KANSL1: variants seen among roughly 807,000 people sequenced by gnomAD.
KANSL1 encodes the protein MLL1/MLL complex subunit KANSL1.
A neutral mutation model predicts 103.6 loss-of-function variants in KANSL1; 22 were observed. That is an observed-to-expected ratio of 0.21 (90% CI 0.15 to 0.30). KANSL1 has a LOEUF of 0.30. Ranked by LOEUF, KANSL1 falls within the 10% of genes least tolerant of loss-of-function variation. The pLI is 1.00. For synonymous variants in KANSL1, 600 were observed against 527.6 expected (o/e 1.14, Z -1.88); for missense variants, 1,337 against 1,399.8 (o/e 0.96, Z 0.72).
At chr17:46,084,582 T>A (rs1404133069) in intron 3 of KANSL1, among the ~76,000 whole-genome samples, 1 of 151,058 alleles carries the variant, frequency 6.6e-6, no homozygotes, top group East Asian at 2.0e-4. Context: ...CTTGGGAGGC[T>A]GAGGCAGGAG....
intron 1 of KANSL1, among the ~76,000 whole-genome samples, chr17:46,215,628 G>A (rs2048316313): frequency 6.6e-6 from 1 of 152,212 alleles, no homozygotes; most frequent in South Asian, 2.1e-4. Flanking sequence ...GGCACAAGAA[G>A]GAACCCAGAG....
At chr17:46,149,951 G>A (rs887291375) in intron 2 of KANSL1, among the ~76,000 whole-genome samples, 4 of 151,828 alleles carry the variant, frequency 2.6e-5, no homozygotes, top group African/African-American at 7.3e-5. Flanking sequence ...GAACCCAGGA[G>A]GTGGAGCTTG....
upstream of KANSL1, among the ~76,000 whole-genome samples, chr17:46,195,848 G>A (rs1057045520): frequency 2.0e-5 from 3 of 152,176 alleles, no homozygotes; most frequent in Non-Finnish European, 4.4e-5. Context: ...CTTATGAAGA[G>A]AAACAAATTT....
chr17:46,050,387 T>C, intron 7 of KANSL1, 146 bp downstream of exon 7: 1 of 777,292 alleles, frequency 1.3e-6, no homozygotes, highest in Admixed American at 2.9e-5. Context: ...TTACAGTCTT[T>C]TTGCAAAATT....
intron 3 of KANSL1, among the ~76,000 whole-genome samples, chr17:46,092,715 T>TTGG (rs1568438853): frequency 9.7e-4 from 21 of 21,618 alleles, no homozygotes; most frequent in Non-Finnish European, 1.4e-3. Context: ...TTTTTTTTTT[T>TTGG]GGGGGGGGGG....
intron 2 of KANSL1, among the ~76,000 whole-genome samples, chr17:46,165,214 G>C (rs1323526497): frequency 2.0e-5 from 3 of 152,146 alleles, no homozygotes; most frequent in South Asian, 2.1e-4. Context: ...TCAAGTAAGA[G>C]TTACTTTTTT....
At chr17:46,163,941 T>A (rs745471095) in intron 2 of KANSL1, among the ~76,000 whole-genome samples, 6 of 152,254 alleles carry the variant, frequency 3.9e-5, no homozygotes, top group Non-Finnish European at 8.8e-5. Flanking sequence ...GACCTCTCAG[T>A]AGGTCACAAT....
At chr17:46,177,926 C>T (rs557600282) in intron 1 of KANSL1, among the ~76,000 whole-genome samples, 7 of 152,250 alleles carry the variant, frequency 4.6e-5, no homozygotes, top group African/African-American at 1.7e-4. Context: ...TACAGGCGTC[C>T]GCCACCACGC....
At chr17:46,180,358 TGTG>T (rs1231577899) in intron 1 of KANSL1, among the ~76,000 whole-genome samples, 1 of 151,704 alleles carries the variant, frequency 6.6e-6, no homozygotes, top group Non-Finnish European at 1.5e-5. Context: ...ATCAGCTGGG[TGTG>T]GTGGCGGGCA....
intron 1 of KANSL1, among the ~76,000 whole-genome samples, chr17:46,219,156 T>C (rs111314258): frequency 0.14 from 21,818 of 151,164 alleles, 2,122 homozygotes; most frequent in Middle Eastern, 0.22. Context: ...CCCAGCTACT[T>C]GGGAGGCTGA....
chr17:46,110,916 AT>A (rs1276418171), intron 2 of KANSL1, among the ~76,000 whole-genome samples: 1 of 152,252 alleles, frequency 6.6e-6, no homozygotes, highest in Non-Finnish European at 1.5e-5. Context: ...TAGAAATAGT[AT>A]TACAAAAACA....
At chr17:46,145,043 G>A (rs1450185148) in intron 2 of KANSL1, among the ~76,000 whole-genome samples, 1 of 152,186 alleles carries the variant, frequency 6.6e-6, no homozygotes, top group Non-Finnish European at 1.5e-5. Flanking sequence ...GTGGTTAGAG[G>A]AGAGGATTTG....
At chr17:46,122,254 T>A (rs1208769779) in intron 2 of KANSL1, among the ~76,000 whole-genome samples, 4 of 152,146 alleles carry the variant, frequency 2.6e-5, no homozygotes, top group Non-Finnish European at 5.9e-5. Context: ...CAGAAAAAAA[T>A]GTCTACAGTT....
intron 2 of KANSL1, among the ~76,000 whole-genome samples, chr17:46,095,332 T>C (rs79348289): frequency 0.14 from 21,661 of 151,934 alleles, 2,126 homozygotes; most frequent in Non-Finnish European, 0.22. Flanking sequence ...GAAACAGATC[T>C]AAAAGTTCAC....
chr17:46,157,372 T>G (rs1207953058), intron 2 of KANSL1, among the ~76,000 whole-genome samples: 6 of 152,260 alleles, frequency 3.9e-5, no homozygotes, highest in Non-Finnish European at 8.8e-5. Context: ...AGGATGAAAT[T>G]AAAGGCATTT....
chr17:46,052,111 T>C (rs755154798), intron 6 of KANSL1, among the ~76,000 whole-genome samples: 5 of 151,750 alleles, frequency 3.3e-5, no homozygotes, highest in East Asian at 1.9e-4. Context: ...GAGAAATGAG[T>C]AGGTAGAGAT....
chr17:46,161,827 T>C (rs2045758664), intron 2 of KANSL1, among the ~76,000 whole-genome samples: 1 of 152,174 alleles, frequency 6.6e-6, no homozygotes, highest in African/African-American at 2.4e-5. Flanking sequence ...GAATATAATC[T>C]ACATGATTAC....
intron 1 of KANSL1, among the ~76,000 whole-genome samples, chr17:46,201,674 C>A (rs768356484): frequency 6.6e-6 from 1 of 151,844 alleles, no homozygotes; most frequent in Non-Finnish European, 1.5e-5. Context: ...GAGTTCAAAA[C>A]CAGCCTGGGC....
chr17:46,066,595 A>C lies in KANSL1; in HGVS notation c.1790T>G (p.Leu597Arg). The C allele has an allele frequency of 1.2e-6, 2 of 1,614,058 alleles. No homozygotes were observed. Among genetic ancestry groups the C allele is most frequent in the Non-Finnish European group, 1.7e-6 (2 of 1,179,952 alleles). ...TCVAARTRPV[L>R]SCKKRRLVRP... ...AACAAGCCTCCGCTTCTTACAGCTC[A>C]GTACAGGACGTGTCCGGGCTGCCAC... Residue 597 changes from leucine (L) to arginine (R), a missense_variant, in exon 6 of 15, where the codon CTG becomes CGG. Physicochemically the swap from Leu to Arg is moderately radical, Grantham distance 102. This residue lies in a region of KANSL1 where 780 missense variants were observed against 923.4 expected (regional missense o/e 0.84). Coordinates refer to ENST00000432791, the MANE Select transcript of KANSL1 (RefSeq NM_015443.4).
Sources: gnomAD v4.1 joint callset for allele counts (sites outside exome capture counted in the v4.1 genomes callset) on GRCh38, gnomAD v4.1.1 for gene constraint, gnomAD v4.1.1 regional missense constraint, MANE v1.5 for transcripts, NCBI Gene and HGNC (gene_info 2026-07-23, HGNC 2026-07-21) for gene names.